The following SV2C variants were observed in gnomAD, a reference collection of about 807,000 sequenced individuals.
SV2C encodes solute carrier family 22 member B3.
In SV2C, 49 loss-of-function variants were observed where a neutral mutation model predicts 79.7. That is an observed-to-expected ratio of 0.61 (90% CI 0.49 to 0.78). SV2C has a LOEUF of 0.78. SV2C is among the 30% of genes least tolerant of loss of function. The probability of loss-of-function intolerance (pLI) is 0.00; values close to 1 mark genes in which losing one functional copy is unlikely to be tolerated. For synonymous variants in SV2C, 334 were observed against 333.2 expected, an observed-to-expected ratio of 1.00 and a Z score of -0.03; for missense variants, 833 against 912.9, an observed-to-expected ratio of 0.91 and a Z score of 1.13.
chr5:76,114,273 T>G (rs1748189521), intron 1 of SV2C, among the ~76,000 whole-genome samples: 1 of 152,086 alleles, frequency 6.6e-6, no homozygotes, highest in Non-Finnish European at 1.5e-5. Context: ...AATAATGCCA[T>G]GGGAGTGGAT....
At chr5:76,353,388 A>G in exon 13 of SV2C, 1 of 205,018 alleles carries the variant, frequency 4.9e-6, no homozygotes, top group South Asian at 5.9e-5. Context: ...AAGTGAAGTA[A>G]CCAAGTCAAC....
At chr5:76,263,849 C>A (rs942039907) in intron 4 of SV2C, among the ~76,000 whole-genome samples, 1 of 152,130 alleles carries the variant, frequency 6.6e-6, no homozygotes, top group East Asian at 1.9e-4. Flanking sequence ...TCTCTGGCTG[C>A]CCTTAACATT....
rs753875820 is a variant in SV2C, at chr5:76,132,183, T to C, written c.433T>C (p.Cys145Arg). 26 of 1,614,160 alleles carry C rather than the reference T, an allele frequency of 1.6e-5. No homozygotes were observed. The highest frequency in any genetic ancestry group is 2.2e-5 in the Non-Finnish European group (26 of 1,180,030). Residue 145 changes from cysteine to arginine, a missense_variant, in exon 2 of 13, where the codon TGC becomes CGC. Coordinates refer to ENST00000502798, the MANE Select transcript of SV2C (RefSeq NM_014979.4). ...GCAGTATGAGCTGATAATCCAAGAA[T>C]GCGGTCATGGTCGTTTTCAGTGGGC... ...AQQYELIIQE[C>R]GHGRFQWALF...
chr5:75,910,442 A>G, the SV2C span: 1 of 602,002 alleles, frequency 1.7e-6, no homozygotes, highest in Admixed American at 1.9e-5. Context: ...ACTTTCATGC[A>G]TCACTTCAGC....
chr5:76,002,042 G>A, the SV2C span, among the ~76,000 whole-genome samples: 45 of 151,820 alleles, frequency 3.0e-4, no homozygotes, highest in African/African-American at 1.0e-3. Context: ...AAGTGAGAAC[G>A]TACAATGGTT....
chr5:76,235,180 CAAA>C (rs11336133), intron 4 of SV2C, among the ~76,000 whole-genome samples: 13,224 of 131,036 alleles, frequency 0.1, 1,968 homozygotes, highest in African/African-American at 0.34. Context: ...GAGAAAAGGG[CAAA>C]AAAAAAAAAA....
chr5:76,228,812 G>A (rs1745329754), intron 4 of SV2C, among the ~76,000 whole-genome samples: 1 of 152,196 alleles, frequency 6.6e-6, no homozygotes, highest in African/African-American at 2.4e-5. Flanking sequence ...ATGTTTTACA[G>A]GTGAGGAAAC....
At chr5:76,101,386 A>G (rs1182128756) in intron 1 of SV2C, among the ~76,000 whole-genome samples, 1 of 152,180 alleles carries the variant, frequency 6.6e-6, no homozygotes, top group Non-Finnish European at 1.5e-5. Context: ...GCCAATTTCC[A>G]TTACTTTGTA....
At chr5:75,862,912 C>G in the SV2C span, among the ~76,000 whole-genome samples, 26,427 of 152,122 alleles carry the variant, frequency 0.17, 2,853 homozygotes, top group African/African-American at 0.3. Context: ...GATGGTGGTA[C>G]AGTGCAGTGG....
Position 76,131,793 on chromosome 5 carries a change from G to A in SV2C, c.43G>A (p.Ala15Thr), listed in dbSNP as rs751250938. 6.2e-7 allele frequency: 1 copy of A among 1,613,966 alleles called. No homozygotes were observed. The change falls in exon 2 of 13, where the codon GCC (alanine) becomes ACC (threonine). Residue 15 changes from alanine (A) to threonine (T), a missense_variant. By Grantham distance (58) the Ala-to-Thr change is moderately conservative. Transcript: ENST00000502798. ...GGATAGGACTTCACTGATGAAGGGT[G>A]CCAAGGACATTGCCAGAGAGGTGAA... ...YKDRTSLMKG[A>T]KDIAREVKKQ...
chr5:75,926,680 G>C, the SV2C span, among the ~76,000 whole-genome samples: 1 of 152,078 alleles, frequency 6.6e-6, no homozygotes, highest in Non-Finnish European at 1.5e-5. Flanking sequence ...ATAGAAAAAA[G>C]AACAGGCTGA....
intron 1 of SV2C, among the ~76,000 whole-genome samples, chr5:76,121,815 T>A (rs1483986437): frequency 6.6e-6 from 1 of 151,820 alleles, no homozygotes; most frequent in Non-Finnish European, 1.5e-5. Context: ...TGCCTCCAGC[T>A]TTGTTCTTTT....
At chr5:76,295,164 C>T (rs1747702780) in intron 8 of SV2C, among the ~76,000 whole-genome samples, 1 of 152,136 alleles carries the variant, frequency 6.6e-6, no homozygotes, top group Admixed American at 6.5e-5. Flanking sequence ...TTTTCACAGT[C>T]CTGAAGACTG....
At chr5:75,883,534 G>A in the SV2C span, among the ~76,000 whole-genome samples, 1 of 147,216 alleles carries the variant, frequency 6.8e-6, no homozygotes, top group South Asian at 2.1e-4. Context: ...CATGTCCTTT[G>A]TAGGGACATG....
intron 1 of SV2C, among the ~76,000 whole-genome samples, chr5:76,106,180 C>A (rs1417053236): frequency 6.6e-6 from 1 of 152,094 alleles, no homozygotes; most frequent in Non-Finnish European, 1.5e-5. Context: ...AAAATACATC[C>A]TTTCCCTTCC....
chr5:76,330,675 T>G lies in SV2C; in HGVS notation c.*5128T>G, dbSNP rs1387065714. The G allele has an allele frequency of 6.6e-6, 1 of 151,972 alleles. No homozygotes were observed. Among genetic ancestry groups the G allele is most frequent in the Non-Finnish European group, 1.5e-5 (1 of 68,024 alleles). The allele number at this position is 151,972 out of a possible 1,614,324, so 9.4% of individuals were successfully genotyped here. ...ATAACCTTTGATGAGAGGAGAAAGC[T>G]CCTTGATTACCTGGTTTTTGTTGGA... On this transcript the variant is annotated 3_prime_UTR_variant, in exon 13 of 13. Coordinates refer to ENST00000502798, the MANE Select transcript of SV2C (RefSeq NM_014979.4).
chr5:75,852,166 T>A, the SV2C span, among the ~76,000 whole-genome samples: 1,281 of 151,670 alleles, frequency 8.4e-3, 25 homozygotes, highest in African/African-American at 0.029. Flanking sequence ...GCCTGTCAGG[T>A]GGTGGGGGGC....
intron 3 of SV2C, among the ~76,000 whole-genome samples, chr5:76,202,122 C>T (rs953137717): frequency 2.6e-5 from 4 of 151,544 alleles, no homozygotes; most frequent in African/African-American, 9.7e-5. Context: ...TGGTCTGATT[C>T]TGAGCTATGA....
intron 2 of SV2C, among the ~76,000 whole-genome samples, chr5:76,147,122 G>A (rs910795638): frequency 1.3e-5 from 2 of 152,102 alleles, no homozygotes; most frequent in Non-Finnish European, 2.9e-5. Context: ...ACGAAGTTTT[G>A]GACATAGGCA....
Sources: allele counts gnomAD v4.1 joint callset (sites outside exome capture counted in the v4.1 genomes callset), GRCh38; gene constraint gnomAD v4.1.1; transcripts MANE v1.5; gene names NCBI Gene and HGNC (gene_info 2026-07-23, HGNC 2026-07-21).